The following PDE10A variants were observed in gnomAD, a reference collection of about 807,000 sequenced individuals.
PDE10A encodes the protein phosphodiesterase 10A, also known as cAMP and cAMP-inhibited cGMP 3',5'-cyclic phosphodiesterase 10A.
PDE10A carries 39 observed loss-of-function variants against 97.7 expected under a neutral mutation model. The ratio of observed to expected loss-of-function variants is 0.40; its 90% CI spans 0.31 to 0.52. PDE10A has a LOEUF of 0.52. PDE10A is among the 20% of genes least tolerant of loss of function. The pLI is 0.56. For missense variants in PDE10A, 731 were observed against 1,047.8 expected, an observed-to-expected ratio of 0.70 and a Z score of 4.17; for synonymous variants, 371 against 376.8, an observed-to-expected ratio of 0.98 and a Z score of 0.18.
At chr6:165,688,049 G>A (rs571305614) in intron 1 of PDE10A, among the ~76,000 whole-genome samples, 1 of 152,286 alleles carries the variant, frequency 6.6e-6, no homozygotes, top group African/African-American at 2.4e-5. Flanking sequence ...CCAAATGGAG[G>A]GACCACGTGG....
intron 1 of PDE10A, among the ~76,000 whole-genome samples, chr6:165,653,987 G>A (rs1789814211): frequency 6.6e-6 from 1 of 151,984 alleles, no homozygotes; most frequent in South Asian, 2.1e-4. Context: ...CTCCTCTCTG[G>A]AACCTTGCCC....
At chr6:165,469,393 C>T (rs894027325) in intron 3 of PDE10A, among the ~76,000 whole-genome samples, 3 of 152,202 alleles carry the variant, frequency 2.0e-5, no homozygotes, top group African/African-American at 4.8e-5. Flanking sequence ...TTAGGAGTGA[C>T]GCTCCACACG....
At chr6:165,636,091 T>C (rs1788861485) in intron 1 of PDE10A, among the ~76,000 whole-genome samples, 1 of 152,258 alleles carries the variant, frequency 6.6e-6, no homozygotes, top group East Asian at 1.9e-4. Context: ...TGCATAATTC[T>C]ATCTGTAAAC....
At chr6:165,755,222 G>A (rs1376693454) in intron 1 of PDE10A, among the ~76,000 whole-genome samples, 2 of 152,110 alleles carry the variant, frequency 1.3e-5, no homozygotes, top group Non-Finnish European at 2.9e-5. Context: ...TGCTGAAAGT[G>A]GCCTGAATTG....
rs1372604343 is a variant in PDE10A at position 165,699,832 on chromosome 6, G to C, written c.-614-156264C>G. Reference sequence around the variant, plus strand: ...AAACTTATGGGACGCAGCTAAAACAGTGCTTAAAGGGAAATTTACAGCTGT... The same window carrying C: ...AAACTTATGGGACGCAGCTAAAACACTGCTTAAAGGGAAATTTACAGCTGT... On this transcript the variant is annotated intron_variant, in intron 1 of 19. Transcript: ENST00000366882. Among the ~76,000 whole-genome samples, 3 of 152,074 alleles carry C rather than the reference G, an allele frequency of 2.0e-5. No individual in the cohort carries two copies. In the East Asian group the frequency reaches 5.8e-4, roughly 29 times the overall value.
At chr6:165,943,234 A>AGGAAG (rs1783618568) in intron 1 of PDE10A, among the ~76,000 whole-genome samples, 1 of 34,040 alleles carries the variant, frequency 2.9e-5, no homozygotes, top group African/African-American at 1.3e-4. Context: ...AAAGAAAGAA[A>AGGAAG]GAAGGAAGGA....
chr6:165,903,870 A>G (rs184437030), intron 1 of PDE10A, among the ~76,000 whole-genome samples: 8 of 152,312 alleles, frequency 5.3e-5, no homozygotes, highest in Non-Finnish European at 1.0e-4. Context: ...GCAGTCACCT[A>G]TGGAAAAGAA....
Position 165,431,483 on chromosome 6 carries a change from C to G in PDE10A, c.1492-11G>C, listed in dbSNP as rs1240595014. The G allele has an allele frequency of 6.5e-7, 1 of 1,527,024 alleles. No homozygotes were observed. Among genetic ancestry groups the G allele is most frequent in the South Asian group, 1.1e-5 (1 of 87,998 alleles). 94.6% of individuals were successfully genotyped at this position (1,527,024 alleles called of 1,614,324 possible). A position where few individuals can be genotyped will look rare whatever the true frequency, so the allele number is the denominator to read the frequency against. The stretch of plus-strand genomic sequence containing the variant: ...ATTTGCTGTTGCAACCTAAAAAAAA[C>G]AAGAAATACATACCTATAAGTAATA... On this transcript the variant is annotated splice_polypyrimidine_tract_variant and intron_variant, in intron 7 of 21. Coordinates refer to ENST00000539869, the MANE Select transcript of PDE10A (RefSeq NM_001385079.1).
intron 3 of PDE10A, among the ~76,000 whole-genome samples, chr6:165,469,395 C>T (rs531551076): frequency 2.0e-5 from 3 of 152,148 alleles, no homozygotes; most frequent in Admixed American, 2.0e-4. Flanking sequence ...AGGAGTGACG[C>T]TCCACACGGG....
chr6:165,730,364 G>A (rs528335435), intron 1 of PDE10A, among the ~76,000 whole-genome samples: 3 of 152,266 alleles, frequency 2.0e-5, no homozygotes, highest in East Asian at 3.9e-4. Context: ...CTCGGTTCCC[G>A]TGTCAAATAA....
intron 18 of PDE10A, among the ~76,000 whole-genome samples, chr6:165,345,270 A>T (rs1210445195): frequency 6.6e-6 from 1 of 152,230 alleles, no homozygotes; most frequent in African/African-American, 2.4e-5. Flanking sequence ...TCTTGCTGGA[A>T]ATTATTCCCA....
At chr6:165,337,038 G>A (rs959894840) in intron 20 of PDE10A, among the ~76,000 whole-genome samples, 1 of 151,814 alleles carries the variant, frequency 6.6e-6, no homozygotes, top group African/African-American at 2.4e-5. Context: ...CATCCTCCCA[G>A]CCCTCTTATT....
chr6:165,851,811 C>T (rs973517944), intron 1 of PDE10A, among the ~76,000 whole-genome samples: 2 of 152,030 alleles, frequency 1.3e-5, no homozygotes, highest in African/African-American at 4.8e-5. Context: ...AAAATACAGG[C>T]TGGGCACAGT....
In PDE10A at chr6:165,596,556, C is replaced by A. The variant is rs147767558; in HGVS notation, c.866-52988G>T. ...CCATGCTGGGCAACATAGCAAGACCCCTTCTCTACAAAAAATTTAAAAAAT... is the reference window on the plus strand; with the variant it reads ...CCATGCTGGGCAACATAGCAAGACCACTTCTCTACAAAAAATTTAAAAAAT... On this transcript the variant is annotated intron_variant, in intron 1 of 21. Coordinates refer to ENST00000539869, the MANE Select transcript of PDE10A (RefSeq NM_001385079.1). 8.1e-4 allele frequency among the ~76,000 whole-genome samples: 124 copies of A among 152,240 alleles called. 1 individual carries two copies. Among genetic ancestry groups the A allele is most frequent in the Middle Eastern group, 6.8e-3 (2 of 294 alleles).
At chr6:165,705,936 A>C (rs1285786780) in intron 1 of PDE10A, among the ~76,000 whole-genome samples, 2 of 152,252 alleles carry the variant, frequency 1.3e-5, no homozygotes, top group African/African-American at 2.4e-5. Context: ...AAGCAGCCAC[A>C]GTTCCTGTTG....
chr6:165,616,047 G>C (rs1172130970), intron 1 of PDE10A, among the ~76,000 whole-genome samples: 1 of 152,164 alleles, frequency 6.6e-6, no homozygotes, highest in Non-Finnish European at 1.5e-5. Context: ...CAGTTTGCAA[G>C]TACTGACTTC....
In PDE10A at chr6:165,899,794, C is replaced by T. The variant is rs141989876; in HGVS notation, c.-615+87735G>A. Among the ~76,000 whole-genome samples, 240 of 152,358 alleles carry T rather than the reference C, an allele frequency of 1.6e-3. 1 individual carries two copies. Among genetic ancestry groups the T allele is most frequent in the African/African-American group, 5.5e-3 (227 of 41,590 alleles). On this transcript the variant is annotated intron_variant, in intron 1 of 19. Coordinates refer to the PDE10A transcript ENST00000366882. Reference sequence around the variant, plus strand: ...AGCTCCTACCCTGGCTAAGGCAGAGCTCTGCTCTCCTGGGAGTTGCTACAG... The same window carrying T: ...AGCTCCTACCCTGGCTAAGGCAGAGTTCTGCTCTCCTGGGAGTTGCTACAG...
At chr6:165,350,438 A>T (rs1196952461) in intron 18 of PDE10A, among the ~76,000 whole-genome samples, 1 of 152,150 alleles carries the variant, frequency 6.6e-6, no homozygotes, top group East Asian at 1.9e-4. Context: ...TGTGTCTAGG[A>T]AGTAACTGAC....
At chr6:165,977,002 G>A (rs892611286) in intron 1 of PDE10A, among the ~76,000 whole-genome samples, 1 of 152,210 alleles carries the variant, frequency 6.6e-6, no homozygotes, top group Non-Finnish European at 1.5e-5. Flanking sequence ...TGAGAGATAG[G>A]CTGGAGCCAA....
Sources: gnomAD v4.1 joint callset for allele counts (sites outside exome capture counted in the v4.1 genomes callset) on GRCh38, gnomAD v4.1.1 for gene constraint, MANE v1.5 for transcripts, NCBI Gene and HGNC (gene_info 2026-07-23, HGNC 2026-07-21) for gene names.